PHLPP1: variants seen among roughly 807,000 people sequenced by gnomAD.
PHLPP1 encodes the protein PH domain leucine-rich repeat-containing protein phosphatase 1.
In PHLPP1, 42 loss-of-function variants were observed where a neutral mutation model predicts 117.2. The ratio of observed to expected loss-of-function variants is 0.36; its 90% CI spans 0.28 to 0.46. PHLPP1 has a LOEUF of 0.46. Among genes scored for constraint, PHLPP1 ranks in the 20% least tolerant of loss-of-function variants. The pLI, the probability that PHLPP1 is intolerant of heterozygous loss-of-function variation, is 1.00. For missense variants in PHLPP1, 2,084 were observed against 2,241.9 expected (o/e 0.93, Z 1.42); for synonymous variants, 1,042 against 970.7 (o/e 1.07, Z -1.37).
At chr18:62,766,885 A>G (rs1390107120) in intron 1 of PHLPP1, among the ~76,000 whole-genome samples, 1 of 152,178 alleles carries the variant, frequency 6.6e-6, no homozygotes, top group Non-Finnish European at 1.5e-5. Context: ...GAGGGTAACA[A>G]ATTTAAAATG....
chr18:62,803,391 C>T (rs1393009657), intron 1 of PHLPP1, among the ~76,000 whole-genome samples: 1 of 152,100 alleles, frequency 6.6e-6, no homozygotes, highest in Admixed American at 6.5e-5. Flanking sequence ...CTACCCACTC[C>T]AAAATAACTG....
chr18:62,759,321 C>G (rs1420324965), intron 1 of PHLPP1, among the ~76,000 whole-genome samples: 1 of 152,164 alleles, frequency 6.6e-6, no homozygotes, highest in East Asian at 1.9e-4. Context: ...TTAAAAAAAT[C>G]TCCACTCACC....
intron 1 of PHLPP1, among the ~76,000 whole-genome samples, chr18:62,769,578 A>G (rs1052036982): frequency 6.6e-6 from 1 of 152,220 alleles, no homozygotes; most frequent in African/African-American, 2.4e-5. Flanking sequence ...ATACCAGGAA[A>G]AATAGGCCAT....
chr18:62,880,616 A>G (rs1916153224), intron 4 of PHLPP1, among the ~76,000 whole-genome samples: 1 of 151,754 alleles, frequency 6.6e-6, no homozygotes, highest in African/African-American at 2.4e-5. Context: ...ATGGGCAGAT[A>G]TGTTGGTGAG....
chr18:62,736,310 C>G (rs2122066903), intron 1 of PHLPP1, among the ~76,000 whole-genome samples: 1 of 152,328 alleles, frequency 6.6e-6, no homozygotes, highest in South Asian at 2.1e-4. Flanking sequence ...CCAGGAGTTT[C>G]ATCTGCATGG....
chr18:62,813,200 A>C (rs1914173827), intron 1 of PHLPP1, among the ~76,000 whole-genome samples: 1 of 152,222 alleles, frequency 6.6e-6, no homozygotes, highest in South Asian at 2.1e-4. Flanking sequence ...AGCTCATAAA[A>C]GGGAGGAAGG....
chr18:62,772,685 G>T (rs1234115232), intron 1 of PHLPP1, among the ~76,000 whole-genome samples: 1 of 151,924 alleles, frequency 6.6e-6, no homozygotes, highest in Non-Finnish European at 1.5e-5. Flanking sequence ...AAAAAAATTA[G>T]CTGGGCGTAG....
chr18:62,932,598 G>T (rs146122014), intron 10 of PHLPP1, among the ~76,000 whole-genome samples: 1 of 152,024 alleles, frequency 6.6e-6, no homozygotes, highest in African/African-American at 2.4e-5. Context: ...AACAAACTAG[G>T]CATCAACGGA....
chr18:62,752,851 A>G (rs749023831), intron 1 of PHLPP1, among the ~76,000 whole-genome samples: 7 of 152,238 alleles, frequency 4.6e-5, no homozygotes, highest in Non-Finnish European at 8.8e-5. Flanking sequence ...AGTTAAAAAC[A>G]ACAACAAAAA....
At chr18:62,943,904 T>C (rs1430267369) in intron 11 of PHLPP1, among the ~76,000 whole-genome samples, 1 of 152,224 alleles carries the variant, frequency 6.6e-6, no homozygotes, top group Non-Finnish European at 1.5e-5. Flanking sequence ...GTGTACATAT[T>C]GTTTGTAGTC....
intron 8 of PHLPP1, among the ~76,000 whole-genome samples, chr18:62,913,764 A>G (rs527615573): frequency 1.8e-5 from 2 of 112,480 alleles, no homozygotes; most frequent in South Asian, 2.8e-4. Flanking sequence ...TTTTTTTGAG[A>G]CAGAGTTTCG....
At chr18:62,745,005 G>A (rs1911635501) in intron 1 of PHLPP1, among the ~76,000 whole-genome samples, 1 of 152,214 alleles carries the variant, frequency 6.6e-6, no homozygotes, top group South Asian at 2.1e-4. Flanking sequence ...CAAACTTGAA[G>A]ATAGTTTAGG....
chr18:62,827,261 C>A (rs911339161), intron 1 of PHLPP1, among the ~76,000 whole-genome samples: 1 of 152,074 alleles, frequency 6.6e-6, no homozygotes, highest in African/African-American at 2.4e-5. Flanking sequence ...TGTAAAAATG[C>A]CTTAAGCCTG....
Position 62,823,742 on chromosome 18 carries a change from C to G in PHLPP1, c.1577-6293C>G, listed in dbSNP as rs190598177. Among the ~76,000 whole-genome samples, 610 of 151,976 alleles carry G rather than the reference C, an allele frequency of 4.0e-3. 2 individuals carry two copies. Among genetic ancestry groups the G allele is most frequent in the Non-Finnish European group, 5.5e-3 (373 of 67,970 alleles). On this transcript the variant is annotated intron_variant, in intron 1 of 16. Coordinates refer to ENST00000262719, the MANE Select transcript of PHLPP1 (RefSeq NM_194449.4). ...TAGTTACTTTGGCAAAGAAGATATG[C>G]GGATCACAAACTTGCGAGAAGATGA...
intron 10 of PHLPP1, among the ~76,000 whole-genome samples, chr18:62,931,871 G>C (rs1339512089): frequency 7.3e-6 from 1 of 137,442 alleles, no homozygotes; most frequent in Admixed American, 7.3e-5. Context: ...CTCCAGCCTG[G>C]GCGACAGAAA....
intron 12 of PHLPP1, among the ~76,000 whole-genome samples, chr18:62,953,206 G>T (rs1910513593): frequency 6.6e-6 from 1 of 152,142 alleles, no homozygotes. Context: ...AGAAAGGGAG[G>T]CAGTGTAGAC....
intron 1 of PHLPP1, among the ~76,000 whole-genome samples, chr18:62,750,949 T>C (rs1911832695): frequency 6.6e-6 from 1 of 152,236 alleles, no homozygotes. Flanking sequence ...TGTCTACATG[T>C]CTGTTCACGT....
At chr18:62,760,503 A>G (rs1250732526) in intron 1 of PHLPP1, among the ~76,000 whole-genome samples, 1 of 152,204 alleles carries the variant, frequency 6.6e-6, no homozygotes, top group Non-Finnish European at 1.5e-5. Context: ...TTTGGCAGCC[A>G]GGTAGAATTG....
intron 1 of PHLPP1, among the ~76,000 whole-genome samples, chr18:62,813,371 AG>A (rs1339900175): frequency 1.3e-5 from 2 of 152,154 alleles, no homozygotes; most frequent in Non-Finnish European, 2.9e-5. Flanking sequence ...CGTGTAATGG[AG>A]GGAACTTTAA....
Sources: allele counts gnomAD v4.1 joint callset (sites outside exome capture counted in the v4.1 genomes callset), GRCh38; gene constraint gnomAD v4.1.1; transcripts MANE v1.5; gene names NCBI Gene and HGNC (gene_info 2026-07-23, HGNC 2026-07-21).